LYRM4: variants seen among roughly 807,000 people sequenced by gnomAD.
LYRM4 encodes the protein LYR motif-containing protein 4.
Under a neutral mutation model 11.7 loss-of-function variants are expected in LYRM4, and 9 were observed. The observed-to-expected ratio is 0.77, with a 90% CI of 0.46 to 1.34. The LOEUF (loss-of-function observed/expected upper bound fraction) is 1.34, where lower values mean the gene tolerates loss of function less well. Among genes scored for constraint, LYRM4 ranks in the 40% most tolerant of loss-of-function variants. The pLI is 0.00. For missense variants in LYRM4, 133 were observed against 112.5 expected (o/e 1.18, Z -0.82); for synonymous variants, 42 against 40.4 (o/e 1.04, Z -0.15).
chr6:5,073,077 A>T, the LYRM4 span, among the ~76,000 whole-genome samples: 1 of 150,688 alleles, frequency 6.6e-6, no homozygotes, highest in East Asian at 1.9e-4. Flanking sequence ...GTCAGTTATT[A>T]AAAAATGTAG....
chr6:5,150,109 G>A (rs1190968361), intron 2 of LYRM4, among the ~76,000 whole-genome samples: 1 of 152,210 alleles, frequency 6.6e-6, no homozygotes, highest in Admixed American at 6.5e-5. Flanking sequence ...AGGGTATTAA[G>A]AGGCAGTAAT....
At chr6:5,136,665 G>A in intron 2 of LYRM4, 1 of 985,386 alleles carries the variant, frequency 1.0e-6, no homozygotes, top group Non-Finnish European at 1.2e-6. Context: ...AAAGAAGGTG[G>A]CATTTACAAA....
At chr6:5,259,997 G>A (rs950427694) in intron 1 of LYRM4, among the ~76,000 whole-genome samples, 1 of 152,180 alleles carries the variant, frequency 6.6e-6, no homozygotes, top group Non-Finnish European at 1.5e-5. Context: ...TTATATTAAA[G>A]ATGTGAGTTT....
At chr6:5,183,035 T>C (rs1760169221) in intron 2 of LYRM4, among the ~76,000 whole-genome samples, 1 of 152,234 alleles carries the variant, frequency 6.6e-6, no homozygotes, top group African/African-American at 2.4e-5. Context: ...ACATTTATAT[T>C]ATTTCATTAC....
the LYRM4 span, among the ~76,000 whole-genome samples, chr6:5,049,757 C>T: frequency 6.6e-6 from 1 of 151,880 alleles, no homozygotes; most frequent in Non-Finnish European, 1.5e-5. Context: ...GCAACCTCCA[C>T]CTCCCGGGTT....
intron 2 of LYRM4, among the ~76,000 whole-genome samples, chr6:5,137,437 T>C (rs758473819): frequency 3.9e-5 from 6 of 152,182 alleles, no homozygotes; most frequent in Non-Finnish European, 7.3e-5. Flanking sequence ...GTCAAGAGAT[T>C]CTCAGACAAG....
the LYRM4 span, among the ~76,000 whole-genome samples, chr6:5,060,129 C>T: frequency 1.7e-4 from 26 of 152,222 alleles, no homozygotes; most frequent in African/African-American, 6.0e-4. Context: ...CTGTTACTAA[C>T]AGTGCTTCAG....
At chr6:5,210,490 G>A (rs1207536491) in intron 2 of LYRM4, among the ~76,000 whole-genome samples, 3 of 150,972 alleles carry the variant, frequency 2.0e-5, no homozygotes, top group South Asian at 2.1e-4. Flanking sequence ...GCTATAATTC[G>A]TTTTGAAAAA....
chr6:5,147,392 C>T (rs1251237931), intron 2 of LYRM4, among the ~76,000 whole-genome samples: 1 of 152,134 alleles, frequency 6.6e-6, no homozygotes, highest in African/African-American at 2.4e-5. Flanking sequence ...GGATAACGTA[C>T]CTAATTAGGC....
At chr6:5,239,418 G>C (rs1763736540) in intron 1 of LYRM4, among the ~76,000 whole-genome samples, 1 of 152,018 alleles carries the variant, frequency 6.6e-6, no homozygotes, top group Admixed American at 6.6e-5. Context: ...AAATGCCCAG[G>C]AGGCCCCTGG....
At chr6:5,132,928 C>CG (rs1435623123) in intron 2 of LYRM4, 1 of 152,214 alleles carries the variant, frequency 6.6e-6, no homozygotes, top group Non-Finnish European at 1.5e-5. Context: ...AAGGAAATGA[C>CG]ATTTCCTTCC....
At chr6:5,169,749 G>A (rs561768375) in intron 2 of LYRM4, among the ~76,000 whole-genome samples, 111 of 152,170 alleles carry the variant, frequency 7.3e-4, no homozygotes, top group African/African-American at 2.3e-3. Context: ...CCTATTTACC[G>A]ATGATTTTTC....
At chr6:5,179,148 A>AT (rs1212851503) in intron 2 of LYRM4, among the ~76,000 whole-genome samples, 1 of 150,616 alleles carries the variant, frequency 6.6e-6, no homozygotes, top group Non-Finnish European at 1.5e-5. Context: ...TTTTATTTTT[A>AT]TTTTTTTCTT....
chr6:5,100,995 C>T (rs1464602336), downstream of LYRM4, among the ~76,000 whole-genome samples: 1 of 152,232 alleles, frequency 6.6e-6, no homozygotes, highest in African/African-American at 2.4e-5. Flanking sequence ...CGTCTCCGTG[C>T]CTGCCACAGG....
chr6:5,050,459 C>G, the LYRM4 span, among the ~76,000 whole-genome samples: 1 of 152,364 alleles, frequency 6.6e-6, no homozygotes, highest in East Asian at 1.9e-4. Flanking sequence ...CTTTTACAAT[C>G]CTCATCTCTT....
At chr6:5,257,795 C>T (rs1764751718) in intron 1 of LYRM4, among the ~76,000 whole-genome samples, 2 of 152,150 alleles carry the variant, frequency 1.3e-5, no homozygotes, top group South Asian at 2.1e-4. Context: ...CATGGAAAAA[C>T]TGTCTTCCAT....
chr6:5,249,849 G>A (rs1764352789), intron 1 of LYRM4, among the ~76,000 whole-genome samples: 1 of 152,150 alleles, frequency 6.6e-6, no homozygotes, highest in Non-Finnish European at 1.5e-5. Flanking sequence ...TGATGAGGTG[G>A]GATTCAGTGT....
chr6:5,190,670 A>G (rs1003094413), intron 2 of LYRM4, among the ~76,000 whole-genome samples: 1 of 152,082 alleles, frequency 6.6e-6, no homozygotes, highest in Non-Finnish European at 1.5e-5. Flanking sequence ...ATCATCTAGT[A>G]ACTCTGCCGT....
chr6:5,223,453 T>C (rs1256781301), intron 1 of LYRM4, among the ~76,000 whole-genome samples: 1 of 152,182 alleles, frequency 6.6e-6, no homozygotes, highest in African/African-American at 2.4e-5. Context: ...CAGTTGACTC[T>C]AGAGCCTGTG....
Sources: gnomAD v4.1 joint callset for allele counts (sites outside exome capture counted in the v4.1 genomes callset) on GRCh38, gnomAD v4.1.1 for gene constraint, MANE v1.5 for transcripts, NCBI Gene and HGNC (gene_info 2026-07-23, HGNC 2026-07-21) for gene names.